Variants in TSG101 observed in about 807,000 individuals in gnomAD.
TSG101 encodes tumor susceptibility 101, also known as tumor susceptibility gene 101 protein.
A neutral mutation model predicts 48.5 loss-of-function variants in TSG101; 19 were observed. The ratio of observed to expected loss-of-function variants is 0.39; its 90% CI spans 0.27 to 0.58. TSG101 has a LOEUF of 0.58. Among genes scored for constraint, TSG101 ranks in the 20% least tolerant of loss-of-function variants. The pLI is 0.55. For synonymous variants in TSG101, 174 were observed against 169.4 expected, an observed-to-expected ratio of 1.03 and a Z score of -0.21; for missense variants, 365 against 484.4, an observed-to-expected ratio of 0.75 and a Z score of 2.31.
intron 3 of TSG101, among the ~76,000 whole-genome samples, chr11:18,515,470 A>AT (rs1171279783): frequency 6.6e-6 from 1 of 152,206 alleles, no homozygotes; most frequent in African/African-American, 2.4e-5. Flanking sequence ...TCACCACTAA[A>AT]TATTTCAGCA....
At position 18,514,523 on chromosome 11, in the gene TSG101, C is replaced by T. The variant is rs535229520; in HGVS notation, c.357+155G>A. On this transcript the variant is annotated intron_variant, in intron 4 of 9. Transcript: ENST00000251968. Reference sequence around the variant, plus strand: ...TCTACAGAAACCCATTTCTTTTAGTCAGCCTTTTCTAATTTACCCTCAACT... The same window carrying T: ...TCTACAGAAACCCATTTCTTTTAGTTAGCCTTTTCTAATTTACCCTCAACT... Among the ~76,000 whole-genome samples the T allele has an allele frequency of 2.6e-5, 4 of 152,326 alleles. No homozygotes were observed. In the South Asian group the frequency reaches 6.2e-4, roughly 24 times the overall value.
chr11:18,520,051 C>G (rs1850243454), intron 1 of TSG101, among the ~76,000 whole-genome samples: 1 of 152,096 alleles, frequency 6.6e-6, no homozygotes, highest in African/African-American at 2.4e-5. Flanking sequence ...AAATCCATAC[C>G]CTTTAGCAAT....
At chr11:18,503,500 G>T (rs558789187) in intron 6 of TSG101, among the ~76,000 whole-genome samples, 24 of 151,834 alleles carry the variant, frequency 1.6e-4, no homozygotes, top group Admixed American at 2.6e-4. Context: ...AGCCTCCTGA[G>T]TAGCTGGGAC....
At chr11:18,521,905 T>G (rs935631874) in intron 1 of TSG101, among the ~76,000 whole-genome samples, 2 of 152,118 alleles carry the variant, frequency 1.3e-5, no homozygotes, top group Non-Finnish European at 2.9e-5. Context: ...CTTGAATTTC[T>G]AGACTCAAGC....
At chr11:18,519,098 T>C (rs1325134462) in intron 2 of TSG101, among the ~76,000 whole-genome samples, 1 of 152,134 alleles carries the variant, frequency 6.6e-6, no homozygotes, top group African/African-American at 2.4e-5. Context: ...CCTCCTGGAC[T>C]GCCTCCTGGA....
chr11:18,516,277 T>C (rs1850171291), intron 2 of TSG101, 113 bp from the exon 3 acceptor site: 4 of 811,516 alleles, frequency 4.9e-6, no homozygotes, highest in Admixed American at 2.2e-5. Flanking sequence ...GGGGCTGACC[T>C]GTCAATGTAT....
At chr11:18,498,677 G>C (rs1358428771) in intron 7 of TSG101, among the ~76,000 whole-genome samples, 2 of 152,142 alleles carry the variant, frequency 1.3e-5, no homozygotes, top group Admixed American at 6.5e-5. Context: ...GTTCAGGAGA[G>C]AGGTATAGGT....
At chr11:18,508,650 G>A (rs1438519843) in intron 5 of TSG101, 2 of 152,160 alleles carry the variant, frequency 1.3e-5, no homozygotes, top group Admixed American at 6.5e-5. Flanking sequence ...TGGGAAGGTA[G>A]GGAAGGAAAG....
At chr11:18,520,951 A>G (rs1850262307) in intron 1 of TSG101, among the ~76,000 whole-genome samples, 1 of 151,960 alleles carries the variant, frequency 6.6e-6, no homozygotes, top group Non-Finnish European at 1.5e-5. Flanking sequence ...GAATCGCTTG[A>G]ACCCAGGAGG....
intron 7 of TSG101, among the ~76,000 whole-genome samples, chr11:18,489,914 T>C (rs1234454025): frequency 4.6e-5 from 7 of 152,262 alleles, no homozygotes; most frequent in Non-Finnish European, 7.3e-5. Flanking sequence ...AAGTTACACA[T>C]AATTCAGGTC....
At chr11:18,502,726 G>A in intron 6 of TSG101, 149 bp from the exon 7 acceptor site, 1 of 583,946 alleles carries the variant, frequency 1.7e-6, no homozygotes, top group Non-Finnish European at 3.0e-6. Flanking sequence ...GTTTATTCAA[G>A]TAAAGCTCTA....
intron 7 of TSG101, among the ~76,000 whole-genome samples, chr11:18,495,666 G>GT (rs35958204): frequency 1.9e-3 from 257 of 135,860 alleles, no homozygotes; most frequent in East Asian, 2.7e-3. Flanking sequence ...TACCAGTTAG[G>GT]TTTTTTTTTT....
intron 7 of TSG101, among the ~76,000 whole-genome samples, chr11:18,495,917 C>T (rs145539122): frequency 0.018 from 2,614 of 148,396 alleles, 65 homozygotes; most frequent in African/African-American, 0.061. Flanking sequence ...GAGTGAGACT[C>T]CGTCTCAAAA....
At chr11:18,517,243 C>T (rs572118675) in intron 2 of TSG101, among the ~76,000 whole-genome samples, 1 of 151,592 alleles carries the variant, frequency 6.6e-6, no homozygotes, top group Non-Finnish European at 1.5e-5. Context: ...AACTCCTGGA[C>T]TCAAATGGTC....
chr11:18,486,287 T>C (rs951568020), intron 7 of TSG101, among the ~76,000 whole-genome samples: 1 of 152,248 alleles, frequency 6.6e-6, no homozygotes, highest in African/African-American at 2.4e-5. Flanking sequence ...ATGGGAGGGC[T>C]GTCTCTGGCA....
At chr11:18,524,861 T>C (rs902148627) in intron 1 of TSG101, among the ~76,000 whole-genome samples, 4 of 152,184 alleles carry the variant, frequency 2.6e-5, no homozygotes, top group Non-Finnish European at 4.4e-5. Flanking sequence ...TAAGCTAATA[T>C]TTGAATATTC....
Position 18,483,923 on chromosome 11 carries a change from T to G in TSG101, c.790A>C (p.Lys264Gln). 6.2e-7 allele frequency: 1 copy of G among 1,614,196 alleles called. No individual in the cohort carries two copies. The highest frequency in any genetic ancestry group is 8.5e-7 in the Non-Finnish European group (1 of 1,180,036). Residue 264 changes from lysine (K) to glutamine (Q), a missense_variant, in exon 8 of 10, where the codon AAA (lysine) becomes CAA (glutamine). By Grantham distance (53) the Lys-to-Gln change is moderately conservative. Transcript: ENST00000251968. ...NALKRTEEDL[K>Q]KGHQKLEEMV... The stretch of plus-strand genomic sequence containing the variant: ...TCTTCCAGTTTCTGGTGACCCTTTT[T>G]CAGGTCTTCTTCTGTTCGTTTCAAG...
intron 7 of TSG101, among the ~76,000 whole-genome samples, chr11:18,499,395 TA>T (rs1565087422): frequency 0.046 from 479 of 10,346 alleles, 9 homozygotes; most frequent in Non-Finnish European, 0.057. Context: ...TATATATATA[TA>T]TATATATTTT....
At chr11:18,505,932 C>T (rs955472905) in intron 6 of TSG101, among the ~76,000 whole-genome samples, 1 of 152,136 alleles carries the variant, frequency 6.6e-6, no homozygotes, top group African/African-American at 2.4e-5. Context: ...ATTCTCCTAC[C>T]TCAGCCTCCC....
Sources: allele counts gnomAD v4.1 joint callset (sites outside exome capture counted in the v4.1 genomes callset), GRCh38; gene constraint gnomAD v4.1.1; transcripts MANE v1.5; gene names NCBI Gene and HGNC (gene_info 2026-07-23, HGNC 2026-07-21).